Variants in SPTSSA observed in about 807,000 individuals in gnomAD.
The protein encoded by SPTSSA is serine palmitoyltransferase small subunit A, also known as small subunit of serine palmitoyltransferase A.
In SPTSSA, 8 loss-of-function variants were observed where a neutral mutation model predicts 9.1. That is an observed-to-expected ratio of 0.88 (90% CI 0.51 to 1.58). The LOEUF (loss-of-function observed/expected upper bound fraction) is 1.58. Ranked by LOEUF, SPTSSA falls within the 40% of genes most tolerant of loss-of-function variation. SPTSSA has a pLI of 0.00. For synonymous variants in SPTSSA, 42 were observed against 37.7 expected (o/e 1.11, Z -0.41); for missense variants, 100 against 93.8 (o/e 1.07, Z -0.27).
At chr14:34,439,577 G>A (rs1883288590) in intron 1 of SPTSSA, among the ~76,000 whole-genome samples, 1 of 149,878 alleles carries the variant, frequency 6.7e-6, no homozygotes, top group Admixed American at 6.6e-5. Context: ...CTTCCCAACA[G>A]TCCAAACCAT....
Position 34,447,201 on chromosome 14 carries a change from G to A in SPTSSA, c.113-11897C>T, listed in dbSNP as rs148789153. Among the ~76,000 whole-genome samples, 680 of 140,142 alleles carry A rather than the reference G, an allele frequency of 4.9e-3. 4 individuals are homozygous for A. Among genetic ancestry groups the A allele is most frequent in the African/African-American group, 0.016 (613 of 37,200 alleles). 91.9% of individuals were successfully genotyped at this position (140,142 alleles called of 152,430 possible). On this transcript the variant is annotated intron_variant, in intron 1 of 1. Coordinates refer to ENST00000298130, the MANE Select transcript of SPTSSA (RefSeq NM_138288.4). ...ATTGTGCCATGGCACTCCAGTCTAG[G>A]TGACAGAGCGAGACTCCATCTCTTA... is the stretch of plus-strand genomic sequence containing the variant.
chr14:34,452,124 C>T (rs1883538326), intron 1 of SPTSSA, among the ~76,000 whole-genome samples: 1 of 151,802 alleles, frequency 6.6e-6, no homozygotes, highest in African/African-American at 2.4e-5. Context: ...TGACGCACAC[C>T]TGTATTCCCA....
At chr14:34,438,661 TAGA>T (rs930042837) in intron 1 of SPTSSA, among the ~76,000 whole-genome samples, 9 of 152,208 alleles carry the variant, frequency 5.9e-5, no homozygotes, top group African/African-American at 1.7e-4. Context: ...TCATCCAGTC[TAGA>T]AGGTTTTTTA....
intron 1 of SPTSSA, among the ~76,000 whole-genome samples, chr14:34,458,032 G>C (rs944132234): frequency 6.7e-6 from 1 of 150,242 alleles, no homozygotes; most frequent in East Asian, 1.9e-4. Context: ...ATAGGCCCTA[G>C]TGAGGAAGAA....
chr14:34,435,207 T>C lies in SPTSSA; in HGVS notation c.210A>G (p.Val70=), dbSNP rs373166033. The C allele has an allele frequency of 6.2e-7, 1 of 1,613,116 alleles. No homozygotes were observed. ...GATCCTGGTCGCATCTTGGTCATTG[T>C]ACGATTTCAAAGTAGTGCAATATCG... is the stretch of plus-strand genomic sequence containing the variant. The part of the protein sequence containing the change: ...IMAILHYFEI[V]Q The change falls in exon 2 of 2, where the codon GTA becomes GTG. Residue 70 remains valine (V), a synonymous_variant. Transcript: ENST00000298130.
intron 1 of SPTSSA, among the ~76,000 whole-genome samples, chr14:34,437,568 C>T (rs918918425): frequency 3.9e-5 from 6 of 152,158 alleles, no homozygotes; most frequent in Non-Finnish European, 8.8e-5. Context: ...AAGCTTAGGA[C>T]TTCAGCCAGG....
At chr14:34,449,503 CTTT>C (rs35238717) in intron 1 of SPTSSA, among the ~76,000 whole-genome samples, 3,046 of 123,692 alleles carry the variant, frequency 0.025, 54 homozygotes, top group African/African-American at 0.044. Flanking sequence ...CCCGGCCTCC[CTTT>C]TTTTTTTTTT....
intron 1 of SPTSSA, among the ~76,000 whole-genome samples, chr14:34,449,006 TAAA>T (rs1384292134): frequency 6.6e-6 from 1 of 151,926 alleles, no homozygotes; most frequent in Admixed American, 6.6e-5. Flanking sequence ...TCTAAAAAGA[TAAA>T]AAGTTTTTTA....
At chr14:34,451,688 T>A (rs1051668630) in intron 1 of SPTSSA, among the ~76,000 whole-genome samples, 30 of 139,460 alleles carry the variant, frequency 2.2e-4, no homozygotes, top group South Asian at 9.1e-4. Flanking sequence ...ACTGCACTCC[T>A]GCCTGGGCGA....
chr14:34,457,637 C>G (rs1387238187), intron 1 of SPTSSA, among the ~76,000 whole-genome samples: 1 of 152,072 alleles, frequency 6.6e-6, no homozygotes, highest in Middle Eastern at 3.2e-3. Context: ...CCTTGACAAA[C>G]CAAAAGCCAA....
intron 1 of SPTSSA, among the ~76,000 whole-genome samples, chr14:34,457,500 A>C (rs1689115066): frequency 6.6e-6 from 1 of 152,224 alleles, no homozygotes; most frequent in African/African-American, 2.4e-5. Flanking sequence ...TTTGTAGTAT[A>C]TACTGTAATA....
At chr14:34,440,043 TTAATAC>T (rs1437302912) in intron 1 of SPTSSA, among the ~76,000 whole-genome samples, 1 of 152,204 alleles carries the variant, frequency 6.6e-6, no homozygotes, top group Admixed American at 6.5e-5. Flanking sequence ...TAAAGCTCCT[TTAATAC>T]TTTGTTTGAA....
At chr14:34,440,163 C>T (rs1883295345) in intron 1 of SPTSSA, among the ~76,000 whole-genome samples, 1 of 152,154 alleles carries the variant, frequency 6.6e-6, no homozygotes, top group Non-Finnish European at 1.5e-5. Context: ...TTTGTATCTC[C>T]AGCATCTAAC....
chr14:34,453,455 C>T (rs1310066838), intron 1 of SPTSSA, among the ~76,000 whole-genome samples: 1 of 152,244 alleles, frequency 6.6e-6, no homozygotes, highest in Non-Finnish European at 1.5e-5. Flanking sequence ...GCAGCCCACA[C>T]TGTCTGTATT....
At chr14:34,458,508 T>C (rs1044804309) in intron 1 of SPTSSA, among the ~76,000 whole-genome samples, 2 of 149,284 alleles carry the variant, frequency 1.3e-5, no homozygotes, top group Non-Finnish European at 3.0e-5. Flanking sequence ...TTTTTATTTT[T>C]TTTTTTGAGA....
intron 1 of SPTSSA, among the ~76,000 whole-genome samples, chr14:34,436,228 G>C (rs1281683346): frequency 1.3e-5 from 2 of 152,084 alleles, no homozygotes; most frequent in African/African-American, 4.8e-5. Flanking sequence ...AGGTAATCTT[G>C]ATAACCTAAA....
At chr14:34,458,021 T>C (rs531365010) in intron 1 of SPTSSA, among the ~76,000 whole-genome samples, 5 of 146,122 alleles carry the variant, frequency 3.4e-5, no homozygotes, top group Admixed American at 2.7e-4. Flanking sequence ...ACAGATGGTA[T>C]ATAGGCCCTA....
chr14:34,436,878 T>C (rs936228554), intron 1 of SPTSSA, among the ~76,000 whole-genome samples: 3 of 152,064 alleles, frequency 2.0e-5, no homozygotes, highest in Admixed American at 6.6e-5. Flanking sequence ...ATTTACTTTT[T>C]AACCGCCCTT....
intron 1 of SPTSSA, among the ~76,000 whole-genome samples, chr14:34,456,320 C>T (rs896798149): frequency 4.6e-5 from 7 of 151,824 alleles, no homozygotes; most frequent in African/African-American, 1.5e-4. Context: ...AAAACCCTAT[C>T]TCAAAAAAAT....
Sources: gnomAD v4.1 joint callset for allele counts (sites outside exome capture counted in the v4.1 genomes callset) on GRCh38, gnomAD v4.1.1 for gene constraint, MANE v1.5 for transcripts, NCBI Gene and HGNC (gene_info 2026-07-23, HGNC 2026-07-21) for gene names.